Variants in MUC5B observed in about 807,000 individuals in gnomAD.
MUC5B encodes mucin-5B.
In MUC5B, 116 loss-of-function variants were observed where a neutral mutation model predicts 376.9. The ratio of observed to expected loss-of-function variants is 0.31; its 90% CI spans 0.26 to 0.36. The LOEUF (loss-of-function observed/expected upper bound fraction) is 0.36. MUC5B is among the 10% of genes least tolerant of loss of function. MUC5B has a pLI of 1.00. For synonymous variants in MUC5B, 3,517 were observed against 3,390.9 expected (o/e 1.04, Z -1.29); for missense variants, 7,165 against 7,769.9 (o/e 0.92, Z 2.93).
chr11:1,242,376 G>A lies in MUC5B; in HGVS notation c.5496G>A (p.Ala1832=), dbSNP rs369948177. 454 of 1,613,866 alleles carry A rather than the reference G, an allele frequency of 2.8e-4. 8 individuals carry two copies. In the South Asian group the frequency reaches 4.2e-3, roughly 15 times the overall value. The part of the protein sequence containing the change: ...CWAPKSIECR[A]ENYPEVSIDQ... ...CACCAAAGAGCATAGAGTGCCGGGC[G>A]GAGAACTACCCCGAGGTAAGCATCG... The change falls in exon 31 of 49, where the codon GCG becomes GCA. Residue 1832 remains alanine (A), a synonymous_variant. Coordinates refer to ENST00000529681, the MANE Select transcript of MUC5B (RefSeq NM_002458.3).
Position 1,257,664 on chromosome 11 carries a change from G to A in MUC5B, c.16404G>A (p.Val5468=). The change falls in exon 41 of 49, where the codon GTG becomes GTA. Residue 5468 remains valine (V), a synonymous_variant. Coordinates refer to ENST00000529681, the MANE Select transcript of MUC5B (RefSeq NM_002458.3). The surrounding 1 kb of genome is among the most constrained non-coding windows in gnomAD (Gnocchi z 8.9). ...PPCNRPGFVT[V]TRPRAENPCC... ...GCAACCGTCCCGGCTTCGTAACCGT[G>A]ACCAGGCCCCGGGCCGAGAACCCCT... The A allele has an allele frequency of 6.3e-7, 1 of 1,586,358 alleles. No homozygotes were observed. The highest frequency in any genetic ancestry group is 8.5e-7 in the Non-Finnish European group (1 of 1,173,298).
In MUC5B at chr11:1,251,739, G is replaced by A. The variant is rs200564889; in HGVS notation, c.14859G>A (p.Ser4953=). The part of the protein sequence containing the change: ...CFCRAFGQFF[S]PGEVIYNKTD... ...GCAGGGCATTTGGACAGTTTTTCTCGCCCGGTGAGTGCATGTGGATAACAC... is the reference window on the plus strand; with the variant it reads ...GCAGGGCATTTGGACAGTTTTTCTCACCCGGTGAGTGCATGTGGATAACAC... The change falls in exon 31 of 49, where the codon TCG becomes TCA. Residue 4953 remains serine (S), a synonymous_variant. Coordinates refer to ENST00000529681, the MANE Select transcript of MUC5B (RefSeq NM_002458.3). 5.6e-5 allele frequency: 89 copies of A among 1,585,890 alleles called. No individual in the cohort carries two copies. The highest frequency in any genetic ancestry group is 4.7e-4 in the East Asian group (21 of 44,598).
Position 1,240,964 on chromosome 11 carries a change from G to GA in MUC5B, c.4088dup (p.Asn1363LysfsTer15). On this transcript the variant is annotated frameshift_variant, in exon 31 of 49. Coordinates refer to ENST00000529681, the MANE Select transcript of MUC5B (RefSeq NM_002458.3). LOFTEE classifies it high-confidence loss of function. ...GGGAGGCGGAGACTTTGAGACGTTT[G>GA]AAAACCTGAGGCAGAGAGGGTACCA... 1 of 1,613,482 alleles carries GA rather than the reference G, an allele frequency of 6.2e-7. No homozygotes were observed.
chr11:1,250,300 G>A lies in MUC5B; in HGVS notation c.13420G>A (p.Ala4474Thr), dbSNP rs753687590. ...CACGGCCACCGCCTCCTCCACCCAG[G>A]CAACTGCTGGCACCCCACATGTGAG... is the stretch of plus-strand genomic sequence containing the variant. ...GSTATASSTQ[A>T]TAGTPHVSTT... The change falls in exon 31 of 49, where the codon GCA becomes ACA. Residue 4474 changes from alanine to threonine, a missense_variant. Ala to Thr is a moderately conservative substitution (Grantham distance 58). Coordinates refer to ENST00000529681, the MANE Select transcript of MUC5B (RefSeq NM_002458.3). The A allele has an allele frequency of 1.2e-6, 2 of 1,612,556 alleles. No homozygotes were observed. Among genetic ancestry groups the A allele is most frequent in the East Asian group, 4.5e-5 (2 of 44,806 alleles).
chr11:1,232,066 G>A lies in MUC5B; in HGVS notation c.1749G>A (p.Thr583=), dbSNP rs1430261502. The A allele has an allele frequency of 7.4e-6, 12 of 1,612,668 alleles. No individual in the cohort carries two copies. Among genetic ancestry groups the A allele is most frequent in the African/African-American group, 1.3e-5 (1 of 74,918 alleles). ...FTALSGVVEA[T]GAAFANTWKA... The stretch of plus-strand genomic sequence containing the variant: ...CCCTCAGCGGGGTGGTGGAGGCCAC[G>A]GGCGCAGCCTTCGCCAACACCTGGA... The change falls in exon 15 of 49, where the codon ACG becomes ACA. Residue 583 remains threonine, a synonymous_variant. Coordinates refer to ENST00000529681, the MANE Select transcript of MUC5B (RefSeq NM_002458.3).
rs1590172186 is a variant in MUC5B at position 1,234,244 on chromosome 11, G to A, written c.2417G>A (p.Ser806Asn). The change falls in exon 20 of 49, where the codon AGC becomes AAC. Residue 806 changes from serine to asparagine, a missense_variant. Physicochemically the swap from Ser to Asn is conservative, Grantham distance 46 (BLOSUM62 1). This residue lies in a region of MUC5B where 530 missense variants were observed against 604.0 expected (regional missense o/e 0.88). Coordinates refer to ENST00000529681, the MANE Select transcript of MUC5B (RefSeq NM_002458.3). The surrounding 1 kb of genome is among the most constrained non-coding windows in gnomAD (Gnocchi z 6.3). ...APMVYLDCSN[S>N]SAGTPGAECL... ...ATGGTGTACCTGGACTGCAGCAACA[G>A]CTCGGCGGGCACCCCTGGGGCCGAG... 1 of 1,607,110 alleles carries A rather than the reference G, an allele frequency of 6.2e-7. No homozygotes were observed. Among genetic ancestry groups the A allele is most frequent in the East Asian group, 2.2e-5 (1 of 44,794 alleles).
chr11:1,233,877 C>A, intron 19 of MUC5B, 29 bp downstream of exon 19: 4 of 1,565,428 alleles, frequency 2.6e-6, no homozygotes, highest in Non-Finnish European at 3.5e-6. Flanking sequence ...CTGCCCTGCC[C>A]TGCCCCGCCC....
rs1862635031 is a variant in MUC5B at position 1,250,219 on chromosome 11, A to G, written c.13339A>G (p.Thr4447Ala). The change falls in exon 31 of 49, where the codon ACC becomes GCC. Residue 4447 changes from threonine (T) to alanine (A), a missense_variant. Thr to Ala is a moderately conservative substitution (Grantham distance 58). This residue lies in a region of MUC5B where 431 missense variants were observed against 390.4 expected (regional missense o/e 1.10). Transcript: ENST00000529681. ...CACCCCGTCCTCCACCCCAGGGACCACCTGGATCCTCACAGAGCCGAGCAC... is the reference window on the plus strand; with the variant it reads ...CACCCCGTCCTCCACCCCAGGGACCGCCTGGATCCTCACAGAGCCGAGCAC... ...TATPSSTPGT[T>A]WILTEPSTTA... 1 of 1,607,896 alleles carries G rather than the reference A, an allele frequency of 6.2e-7. No homozygotes were observed. Among genetic ancestry groups the G allele is most frequent in the Admixed American group, 1.7e-5 (1 of 59,858 alleles).
intron 11 of MUC5B, 144 bp downstream of exon 11, chr11:1,230,287 T>C (rs376077884): frequency 2.3e-6 from 3 of 1,293,914 alleles, no homozygotes; most frequent in Middle Eastern, 2.0e-4. Flanking sequence ...ATGATGGTCA[T>C]AGAGGGATGG....
Position 1,247,359 on chromosome 11 carries a change from C to T in MUC5B, c.10479C>T (p.His3493=). Residue 3493 remains histidine (H), a synonymous_variant, in exon 31 of 49, where the codon CAC becomes CAT. Coordinates refer to ENST00000529681, the MANE Select transcript of MUC5B (RefSeq NM_002458.3). The part of the protein sequence containing the change: ...HITEPSTVTS[H]TPAATTSTTQ... ...CAGAGCCTTCCACGGTGACTTCCCA[C>T]ACCCCAGCAGCAACCACCAGTACCA... 3 of 1,611,058 alleles carry T rather than the reference C, an allele frequency of 1.9e-6. No individual in the cohort carries two copies. Among genetic ancestry groups the T allele is most frequent in the Non-Finnish European group, 1.7e-6 (2 of 1,179,442 alleles).
In MUC5B at chr11:1,258,402, G is replaced by A; in HGVS notation, c.16593+35G>A. The A allele has an allele frequency of 6.2e-7, 1 of 1,609,520 alleles. No homozygotes were observed. Among genetic ancestry groups the A allele is most frequent in the Non-Finnish European group, 8.5e-7 (1 of 1,178,288 alleles). On this transcript the variant is annotated intron_variant, in intron 43 of 48. Coordinates refer to ENST00000529681, the MANE Select transcript of MUC5B (RefSeq NM_002458.3). This position sits in a 1 kb window ranked among gnomAD's most constrained non-coding sequence, Gnocchi z 5.5. ...CAGCAGTGGGTGGGTGTGGCCCTGG[G>A]GCCTGAACATGTGTGTGGGATGCCC...
Position 1,258,479 on chromosome 11 carries a change from G to C in MUC5B, c.16593+112G>C. 3 of 1,275,746 alleles carry C rather than the reference G, an allele frequency of 2.4e-6. No homozygotes were observed. In the East Asian group the frequency reaches 7.4e-5, roughly 32 times the overall value. The allele number at this position is 1,275,746 out of a possible 1,614,324, so 79.0% of individuals were successfully genotyped here. A position where few individuals can be genotyped will look rare whatever the true frequency, so the allele number is the denominator to read the frequency against. On this transcript the variant is annotated intron_variant, in intron 43 of 48. Coordinates refer to ENST00000529681, the MANE Select transcript of MUC5B (RefSeq NM_002458.3). The surrounding 1 kb of genome is among the most constrained non-coding windows in gnomAD (Gnocchi z 5.5). ...TCTTGACATTCCTGCCCTGAGGGCC[G>C]ATCCGCACAGGGGCCCTGGACACGT...
rs1045764050 is a variant in MUC5B, at chr11:1,230,919, C to T, written c.1471-17C>T. 2 of 1,576,128 alleles carry T rather than the reference C, an allele frequency of 1.3e-6. No individual in the cohort carries two copies. Among genetic ancestry groups the T allele is most frequent in the South Asian group, 2.3e-5 (2 of 85,782 alleles). ...GTTCCTCCCCAGAGCTGACCTCCCGCCCGCCTCCTTCCGCAGGCCATCCGG... is the reference window on the plus strand; with the variant it reads ...GTTCCTCCCCAGAGCTGACCTCCCGTCCGCCTCCTTCCGCAGGCCATCCGG... On this transcript the variant is annotated splice_polypyrimidine_tract_variant and intron_variant, in intron 12 of 48. Transcript: ENST00000529681.
Position 1,243,435 on chromosome 11 carries a change from C to A in MUC5B, c.6555C>A (p.Thr2185=), listed in dbSNP as rs775422810. The A allele has an allele frequency of 6.8e-7, 1 of 1,476,560 alleles. No individual in the cohort carries two copies. The allele number at this position is 1,476,560 out of a possible 1,614,324, so 91.5% of individuals were successfully genotyped here. Residue 2185 remains threonine (T), a synonymous_variant, in exon 31 of 49, where the codon ACC becomes ACA. Coordinates refer to ENST00000529681, the MANE Select transcript of MUC5B (RefSeq NM_002458.3). The stretch of plus-strand genomic sequence containing the variant: ...CTCCCTCCTCTGCCCTAGGGACCAC[C>A]CACACACCCCCAGTGCCGAACACCA... The part of the protein sequence containing the change: ...TVTPSSALGT[T]HTPPVPNTMA...
intron 7 of MUC5B, 141 bp from the exon 8 acceptor site, chr11:1,228,423 G>A (rs1436178050): frequency 1.3e-6 from 1 of 751,868 alleles, no homozygotes; most frequent in Non-Finnish European, 2.1e-6. Flanking sequence ...GGCCACAGTG[G>A]GTGGAAGGGG....
Position 1,241,460 on chromosome 11 carries a change from T to C in MUC5B, c.4580T>C (p.Val1527Ala). 1 of 1,613,452 alleles carries C rather than the reference T, an allele frequency of 6.2e-7. No homozygotes were observed. Among genetic ancestry groups the C allele is most frequent in the Non-Finnish European group, 8.5e-7 (1 of 1,179,630 alleles). ...AAGTCTGAACAACTTGGAGGGGACG[T>C]TGAGTCCTACGATAAGATCAGGGCC... ...YPKSEQLGGD[V>A]ESYDKIRAAG... is the part of the protein sequence containing the mutation. The change falls in exon 31 of 49, where the codon GTT (valine) becomes GCT (alanine). Residue 1527 changes from valine to alanine, a missense_variant. Coordinates refer to ENST00000529681, the MANE Select transcript of MUC5B (RefSeq NM_002458.3).
At chr11:1,230,246 G>A (rs1226860619) in intron 11 of MUC5B, 103 bp downstream of exon 11, 2 of 1,445,366 alleles carry the variant, frequency 1.4e-6, no homozygotes, top group East Asian at 2.3e-5. Context: ...AGGGGTGGAT[G>A]TCCCTGCTGA....
chr11:1,232,987 G>C (rs756637808), intron 17 of MUC5B, 26 bp from the exon 18 acceptor site: 2 of 1,548,042 alleles, frequency 1.3e-6, no homozygotes, highest in Middle Eastern at 1.7e-4. Context: ...CCGCTGACCT[G>C]TCCCCCCTGG....
rs142620353 is a variant in MUC5B, at chr11:1,246,518, C to T, written c.9638C>T (p.Ser3213Phe). The T allele has an allele frequency of 3.4e-3, 5,486 of 1,613,416 alleles. 191 individuals are homozygous for T. In the African/African-American group the frequency reaches 0.065, roughly 19 times the overall value. Residue 3213 changes from serine to phenylalanine, a missense_variant, in exon 31 of 49, where the codon TCC (serine) becomes TTC (phenylalanine). Around this residue, in one of 31 missense-constraint regions of MUC5B, gnomAD observed 939 missense variants for 770.6 expected, o/e 1.22. Coordinates refer to ENST00000529681, the MANE Select transcript of MUC5B (RefSeq NM_002458.3). ...PTVISSRATP[S>F]SSPGTATALP... ...GTCATCAGCTCCAGAGCCACTCCCTCCTCCAGTCCAGGGACTGCAACCGCC... is the reference window on the plus strand; with the variant it reads ...GTCATCAGCTCCAGAGCCACTCCCTTCTCCAGTCCAGGGACTGCAACCGCC...
Sources: gnomAD v4.1 joint callset for allele counts on GRCh38, gnomAD v4.1.1 for gene constraint, gnomAD v4.1.1 regional missense constraint, Gnocchi (gnomAD v3.1) non-coding constraint, MANE v1.5 for transcripts, NCBI Gene and HGNC (gene_info 2026-07-23, HGNC 2026-07-21) for gene names.